MAP2K1: variants seen among roughly 807,000 people sequenced by gnomAD.
MAP2K1 encodes dual specificity mitogen-activated protein kinase kinase 1.
In MAP2K1, 16 loss-of-function variants were observed where a neutral mutation model predicts 46.3. The ratio of observed to expected loss-of-function variants is 0.35; its 90% CI spans 0.23 to 0.52. The LOEUF (loss-of-function observed/expected upper bound fraction) is 0.52, where lower values mean the gene tolerates loss of function less well. Among genes scored for constraint, MAP2K1 ranks in the 20% least tolerant of loss-of-function variants. The pLI is 0.94. For synonymous variants in MAP2K1, 183 were observed against 185.6 expected (o/e 0.99, Z 0.11); for missense variants, 263 against 497.1 (o/e 0.53, Z 4.48).
intron 1 of MAP2K1, among the ~76,000 whole-genome samples, chr15:66,405,239 A>C (rs2093393522): frequency 6.6e-6 from 1 of 152,206 alleles, no homozygotes; most frequent in Non-Finnish European, 1.5e-5. Context: ...TGCTTTTTCC[A>C]CACGGCCCTC....
chr15:66,467,844 C>A (rs188523940), intron 5 of MAP2K1, among the ~76,000 whole-genome samples: 1 of 152,274 alleles, frequency 6.6e-6, no homozygotes, highest in East Asian at 1.9e-4. Flanking sequence ...TACAGGCATG[C>A]GCCACCGCGC....
Position 66,470,102 on chromosome 15 carries a change from T to TC in MAP2K1, c.569-11653_569-11652insC, listed in dbSNP as rs1278202043. ...TGCCACTTTTTTTTCTTGTTTTTTT[T>TC]TTTTTTTTTTTTTTTTGTGGGAATT... is the stretch of plus-strand genomic sequence containing the variant. On this transcript the variant is annotated intron_variant, in intron 5 of 10. Transcript: ENST00000307102. Among the ~76,000 whole-genome samples, 23 of 139,664 alleles carry TC rather than the reference T, an allele frequency of 1.6e-4. No homozygotes were observed. In the East Asian group the frequency reaches 1.7e-3, roughly 10 times the overall value. 91.6% of individuals were successfully genotyped at this position (139,664 alleles called of 152,430 possible).
chr15:66,452,937 A>G (rs972065921), intron 5 of MAP2K1, among the ~76,000 whole-genome samples: 12 of 152,234 alleles, frequency 7.9e-5, no homozygotes, highest in African/African-American at 2.9e-4. Context: ...TGCTGTGTAT[A>G]TATCTTCAGT....
chr15:66,428,074 C>A (rs536526910), intron 1 of MAP2K1, among the ~76,000 whole-genome samples: 14 of 152,068 alleles, frequency 9.2e-5, no homozygotes, highest in Non-Finnish European at 2.1e-4. Flanking sequence ...GGGCTTCATA[C>A]CCAGATAGCC....
At chr15:66,440,892 C>T (rs1250315236) in intron 3 of MAP2K1, among the ~76,000 whole-genome samples, 1 of 152,132 alleles carries the variant, frequency 6.6e-6, no homozygotes, top group Non-Finnish European at 1.5e-5. Context: ...TTCCATCGTT[C>T]ACACTATACT....
At chr15:66,403,581 G>A (rs2093387861) in intron 1 of MAP2K1, among the ~76,000 whole-genome samples, 1 of 152,106 alleles carries the variant, frequency 6.6e-6, no homozygotes, top group Non-Finnish European at 1.5e-5. Flanking sequence ...AATCTCGAAT[G>A]CTCTTAAATG....
chr15:66,453,033 G>T (rs1892077344), intron 5 of MAP2K1, among the ~76,000 whole-genome samples: 2 of 152,170 alleles, frequency 1.3e-5, no homozygotes, highest in Admixed American at 1.3e-4. Flanking sequence ...GAACACACAG[G>T]AGTCAACAGT....
chr15:66,459,632 A>T (rs796068614), intron 5 of MAP2K1, among the ~76,000 whole-genome samples: 5 of 149,244 alleles, frequency 3.4e-5, no homozygotes, highest in South Asian at 2.1e-4. Flanking sequence ...AAAAAAAAAA[A>T]TTTTTTTTGT....
intron 1 of MAP2K1, among the ~76,000 whole-genome samples, chr15:66,428,977 A>G (rs1009306850): frequency 4.0e-5 from 6 of 151,550 alleles, no homozygotes; most frequent in Admixed American, 2.6e-4. Context: ...ATGGGGTTTC[A>G]CTATGTTGGC....
intron 5 of MAP2K1, among the ~76,000 whole-genome samples, chr15:66,477,607 A>G (rs1402649141): frequency 2.0e-5 from 3 of 152,240 alleles, no homozygotes; most frequent in East Asian, 1.9e-4. Context: ...CATGTAGAGT[A>G]AGTGGCAGGG....
rs756208132 is a variant in MAP2K1, at chr15:66,490,614, A to C, written c.1181A>C (p.Ter394SerextTer36). 3 of 1,613,588 alleles carry C rather than the reference A, an allele frequency of 1.9e-6. No individual in the cohort carries two copies. The African/African-American group carries it at 4.0e-5, about 22-fold the overall frequency. ...ACACCAACCCATGCTGCTGGCGTCT[A>C]AGTGTTTGGGAAGCAACAAAGAGCG... ...PSTPTHAAGV[*>S] Residue 394 changes from the stop codon to serine (S), a stop_lost, in exon 11 of 11, where the codon TAA (stop) becomes TCA (serine). Coordinates refer to ENST00000307102, the MANE Select transcript of MAP2K1 (RefSeq NM_002755.4).
chr15:66,481,661 C>T lies in MAP2K1; in HGVS notation c.569-94C>T, dbSNP rs1378811818. The T allele has an allele frequency of 6.2e-6, 9 of 1,443,586 alleles. No individual in the cohort carries two copies. The East Asian group carries it at 7.0e-5, about 11-fold the overall frequency. 89.4% of individuals were successfully genotyped at this position (1,443,586 alleles called of 1,614,324 possible). On this transcript the variant is annotated intron_variant, in intron 5 of 10. Coordinates refer to ENST00000307102, the MANE Select transcript of MAP2K1 (RefSeq NM_002755.4). Reference sequence around the variant, plus strand: ...CGGACGGGGGTGTGGTCCTGGGACTCGTGGTCAGGGCTGGTCTGTGTGGAA... The same window carrying T: ...CGGACGGGGGTGTGGTCCTGGGACTTGTGGTCAGGGCTGGTCTGTGTGGAA...
chr15:66,472,772 C>A (rs1892670914), intron 5 of MAP2K1, among the ~76,000 whole-genome samples: 1 of 152,148 alleles, frequency 6.6e-6, no homozygotes, highest in Non-Finnish European at 1.5e-5. Flanking sequence ...ACCTTTTTTC[C>A]AGACCTTTTT....
At chr15:66,415,198 ATCTTGGAGTCCTGGTG>A (rs1356010289) in intron 1 of MAP2K1, 1 of 506,446 alleles carries the variant, frequency 2.0e-6, no homozygotes, top group Non-Finnish European at 3.9e-6. Context: ...GACTGATGCC[ATCTTGGAGTCCTGGTG>A]TCCACTGTCC....
chr15:66,400,535 C>G (rs933159489), intron 1 of MAP2K1, among the ~76,000 whole-genome samples: 1 of 152,154 alleles, frequency 6.6e-6, no homozygotes, highest in Admixed American at 6.5e-5. Context: ...TTCTGTTGTT[C>G]ACTTCCAGAA....
chr15:66,401,450 ATTG>A (rs2093381440), intron 1 of MAP2K1, among the ~76,000 whole-genome samples: 1 of 152,150 alleles, frequency 6.6e-6, no homozygotes, highest in Non-Finnish European at 1.5e-5. Context: ...CTTCCCTTTA[ATTG>A]TTGTATTTTT....
intron 1 of MAP2K1, chr15:66,414,920 C>A: frequency 2.5e-6 from 1 of 396,734 alleles, no homozygotes. Flanking sequence ...GAGTGCAGAG[C>A]ATGCCCTCTT....
rs147416448 is a variant in MAP2K1, at chr15:66,454,127, AG to A, written c.568+9425del. On this transcript the variant is annotated intron_variant, in intron 5 of 10. Coordinates refer to ENST00000307102, the MANE Select transcript of MAP2K1 (RefSeq NM_002755.4). Reference sequence around the variant, plus strand: ...AGCCCTGGTTTCTTCCAGTAGCAAGAGGGGGTAAACCCTACTACTTAAGTAC... The same window carrying A: ...AGCCCTGGTTTCTTCCAGTAGCAAGAGGGGTAAACCCTACTACTTAAGTAC... Among the ~76,000 whole-genome samples, 119 of 152,326 alleles carry A rather than the reference AG, an allele frequency of 7.8e-4. 3 individuals carry two copies. The East Asian group carries it at 0.016, about 20-fold the overall frequency.
intron 1 of MAP2K1, 96 bp from the exon 2 acceptor site, chr15:66,434,931 G>T: frequency 1.1e-6 from 1 of 872,852 alleles, no homozygotes; most frequent in African/African-American, 1.6e-5. Flanking sequence ...TATCTGTCTG[G>T]CCCCAGACCT....
Sources: gnomAD v4.1 joint callset for allele counts (sites outside exome capture counted in the v4.1 genomes callset) on GRCh38, gnomAD v4.1.1 for gene constraint, MANE v1.5 for transcripts, NCBI Gene and HGNC (gene_info 2026-07-23, HGNC 2026-07-21) for gene names.